Variants in MANEA observed in about 807,000 individuals in gnomAD.
The protein encoded by MANEA is glycoprotein endo-alpha-1,2-mannosidase.
In MANEA, 25 loss-of-function variants were observed where a neutral mutation model predicts 36.8. The observed-to-expected ratio is 0.68, with a 90% CI of 0.50 to 0.95. The LOEUF (loss-of-function observed/expected upper bound fraction) is 0.95, where lower values mean the gene tolerates loss of function less well. MANEA is among the 40% of genes least tolerant of loss of function. The pLI is 0.00. For synonymous variants in MANEA, 198 were observed against 188.5 expected (o/e 1.05, Z -0.41); for missense variants, 565 against 558.8 (o/e 1.01, Z -0.11).
intron 1 of MANEA, among the ~76,000 whole-genome samples, chr6:95,585,999 C>T (rs1562195925): frequency 2.0e-5 from 3 of 152,008 alleles, no homozygotes; most frequent in African/African-American, 7.3e-5. Flanking sequence ...CTTGTCTCTA[C>T]AATAAATAAA....
At position 95,599,435 on chromosome 6, in the gene MANEA, G is replaced by A. The variant is rs114377824; in HGVS notation, c.654+2589G>A. 5.2e-3 allele frequency among the ~76,000 whole-genome samples: 772 copies of A among 149,794 alleles called. 11 individuals are homozygous for A. The highest frequency in any genetic ancestry group is 0.017 in the African/African-American group (701 of 40,744). ...CTATCTCAAAAAAAAAAAAAAAAGTGATGTAGGTTCTTTTAACTAGAGACC... is the reference window on the plus strand; with the variant it reads ...CTATCTCAAAAAAAAAAAAAAAAGTAATGTAGGTTCTTTTAACTAGAGACC... On this transcript the variant is annotated intron_variant, in intron 3 of 4. Coordinates refer to ENST00000358812, the MANE Select transcript of MANEA (RefSeq NM_024641.4).
Position 95,605,920 on chromosome 6 carries a change from C to T in MANEA, c.904C>T (p.Leu302Phe). Residue 302 changes from leucine (L) to phenylalanine (F), a missense_variant, in exon 5 of 5, where the codon CTT (leucine) becomes TTT (phenylalanine). By Grantham distance (22) the Leu-to-Phe change is conservative. Coordinates refer to ENST00000358812, the MANE Select transcript of MANEA (RefSeq NM_024641.4). ...NSPYDGLFIA[L>F]LVEEKHKYDI... ...TCCTTATGATGGACTGTTTATTGCC[C>T]TTCTGGTAGAAGAAAAACATAAGTA... The T allele has an allele frequency of 6.2e-7, 1 of 1,613,894 alleles. No homozygotes were observed. Among genetic ancestry groups the T allele is most frequent in the Non-Finnish European group, 8.5e-7 (1 of 1,179,944 alleles).
intron 1 of MANEA, among the ~76,000 whole-genome samples, chr6:95,584,585 C>T (rs1032723309): frequency 5.3e-5 from 8 of 152,066 alleles, no homozygotes; most frequent in African/African-American, 1.9e-4. Flanking sequence ...GAACATAGAC[C>T]CTTACCAGTA....
rs759415173 is a variant in MANEA at position 95,607,212 on chromosome 6, G to T, written c.*807G>T. 9.2e-5 allele frequency: 14 copies of T among 152,070 alleles called. No individual in the cohort carries two copies. The highest frequency in any genetic ancestry group is 2.1e-4 in the Non-Finnish European group (14 of 68,004). The allele number at this position is 152,070 out of a possible 1,614,324, so 9.4% of individuals were successfully genotyped here. ...TCCTTTTATGAAAAAGTTACTGATT[G>T]CTTCTCAGTTATTAGGAAAACAGTT... On this transcript the variant is annotated 3_prime_UTR_variant, in exon 5 of 5. Transcript: ENST00000358812.
At position 95,605,972 on chromosome 6, in the gene MANEA, G is replaced by T. The variant is rs779937977; in HGVS notation, c.956G>T (p.Gly319Val). Residue 319 changes from glycine (G) to valine (V), a missense_variant, in exon 5 of 5, where the codon GGA (glycine) becomes GTA (valine). Physicochemically the swap from Gly to Val is moderately radical, Grantham distance 109 (BLOSUM62 -3). Coordinates refer to ENST00000358812, the MANE Select transcript of MANEA (RefSeq NM_024641.4). ...KYDILQSGFDGIYTYFATNGF... is the reference protein window; with the variant it reads ...KYDILQSGFDVIYTYFATNGF... ...GATATTCTTCAAAGTGGTTTTGATG[G>T]AATTTACACATATTTTGCCACAAAT... 1 of 1,613,852 alleles carries T rather than the reference G, an allele frequency of 6.2e-7. No homozygotes were observed. Among genetic ancestry groups the T allele is most frequent in the Non-Finnish European group, 8.5e-7 (1 of 1,179,916 alleles).
chr6:95,580,321 G>C (rs1323397581), intron 1 of MANEA, among the ~76,000 whole-genome samples: 1 of 152,050 alleles, frequency 6.6e-6, no homozygotes, highest in African/African-American at 2.4e-5. Flanking sequence ...CTATGTGAAA[G>C]ATATGTTATG....
chr6:95,595,537 A>G (rs968768139), intron 2 of MANEA, among the ~76,000 whole-genome samples: 2 of 152,184 alleles, frequency 1.3e-5, no homozygotes, highest in African/African-American at 4.8e-5. Context: ...CGGCTAGCAC[A>G]AAACTTAGGT....
Position 95,607,229 on chromosome 6 carries a change from A to G in MANEA, c.*824A>G, listed in dbSNP as rs1319495803. On this transcript the variant is annotated 3_prime_UTR_variant, in exon 5 of 5. Coordinates refer to ENST00000358812, the MANE Select transcript of MANEA (RefSeq NM_024641.4). The stretch of plus-strand genomic sequence containing the variant: ...TACTGATTGCTTCTCAGTTATTAGG[A>G]AAACAGTTGTTTCACAATTATTATG... 2.0e-5 allele frequency: 3 copies of G among 152,122 alleles called. No individual in the cohort carries two copies. The highest frequency in any genetic ancestry group is 4.4e-5 in the Non-Finnish European group (3 of 67,990). The allele number at this position is 152,122 out of a possible 1,614,324, so 9.4% of individuals were successfully genotyped here.
Position 95,596,728 on chromosome 6 carries a change from T to G in MANEA, c.545-9T>G. On this transcript the variant is annotated splice_polypyrimidine_tract_variant and intron_variant, in intron 2 of 4. Coordinates refer to ENST00000358812, the MANE Select transcript of MANEA (RefSeq NM_024641.4). ...GTCTTTTCCCTTTCTTTTTGGTCTT[T>G]TCTATTAGGTGTACTAGCCCTCTCT... 1 of 1,475,628 alleles carries G rather than the reference T, an allele frequency of 6.8e-7. No individual in the cohort carries two copies. The highest frequency in any genetic ancestry group is 9.5e-7 in the Non-Finnish European group (1 of 1,056,848). The allele number at this position is 1,475,628 out of a possible 1,614,324, so 91.4% of individuals were successfully genotyped here.
At chr6:95,592,244 A>G (rs1769397851) in intron 2 of MANEA, among the ~76,000 whole-genome samples, 1 of 152,158 alleles carries the variant, frequency 6.6e-6, no homozygotes, top group Non-Finnish European at 1.5e-5. Flanking sequence ...GTAGTCTTTC[A>G]TTCCTGGCAT....
In MANEA at chr6:95,605,859, G is replaced by T. The variant is rs1769698417; in HGVS notation, c.843G>T (p.Leu281=). The T allele has an allele frequency of 5.0e-6, 8 of 1,613,884 alleles. No homozygotes were observed. Among genetic ancestry groups the T allele is most frequent in the Non-Finnish European group, 6.8e-6 (8 of 1,179,912 alleles). ...YITKPEKWAN[L]LTTSGSRSIR... ...CCAAGCCTGAAAAATGGGCCAATCT[G>T]TTAACCACCTCAGGGTCTCGGAGTA... Residue 281 remains leucine, a synonymous_variant, in exon 5 of 5, where the codon CTG becomes CTT. Transcript: ENST00000358812.
At chr6:95,599,908 C>T (rs567597436) in intron 3 of MANEA, among the ~76,000 whole-genome samples, 1 of 152,270 alleles carries the variant, frequency 6.6e-6, no homozygotes, top group African/African-American at 2.4e-5. Flanking sequence ...AATAGGCAAG[C>T]CTCCAGGTTC....
chr6:95,578,301 A>G (rs942937770), intron 1 of MANEA, among the ~76,000 whole-genome samples: 2 of 152,192 alleles, frequency 1.3e-5, no homozygotes, highest in African/African-American at 4.8e-5. Flanking sequence ...AGCAACTTGA[A>G]GTACAGGCAG....
intron 3 of MANEA, among the ~76,000 whole-genome samples, chr6:95,601,716 A>ATTTTTTTTTTTTTTGT: frequency 1.5e-5 from 1 of 64,968 alleles, no homozygotes; most frequent in Non-Finnish European, 2.7e-5. Flanking sequence ...AGATTCAGTG[A>ATTTTTTTTTTTTTTGT]TTTTTTTTTT....
At chr6:95,587,878 C>A (rs1247292291) in intron 2 of MANEA, among the ~76,000 whole-genome samples, 2 of 150,204 alleles carry the variant, frequency 1.3e-5, no homozygotes, top group African/African-American at 4.9e-5. Context: ...CCTTCTTTTT[C>A]TTCCTTCTCT....
chr6:95,600,216 A>G (rs553971750), intron 3 of MANEA, among the ~76,000 whole-genome samples: 1 of 152,192 alleles, frequency 6.6e-6, no homozygotes, highest in East Asian at 1.9e-4. Context: ...TGTGCTAGGG[A>G]TTTTATATCT....
chr6:95,599,854 C>A (rs752155508), intron 3 of MANEA, among the ~76,000 whole-genome samples: 1 of 152,152 alleles, frequency 6.6e-6, no homozygotes, highest in Non-Finnish European at 1.5e-5. Flanking sequence ...TGCCATGTCC[C>A]TTGGTGCCTT....
intron 1 of MANEA, among the ~76,000 whole-genome samples, chr6:95,578,924 T>C (rs1297006135): frequency 1.3e-5 from 2 of 152,200 alleles, no homozygotes; most frequent in African/African-American, 2.4e-5. Context: ...GAAGGCAGAA[T>C]AGCATGGACA....
In MANEA at chr6:95,586,555, C is replaced by A; in HGVS notation, c.116C>A (p.Pro39His). ...LRPNTATFGAPFGLDLLPELH... is the reference protein window; with the variant it reads ...LRPNTATFGAHFGLDLLPELH... ...CCAAATACAGCTACTTTTGGAGCTC[C>A]TTTTGGACTTGACCTTCTTCCAGAA... is the stretch of plus-strand genomic sequence containing the variant. The change falls in exon 2 of 5, where the codon CCT becomes CAT. Residue 39 changes from proline (P) to histidine (H), a missense_variant. Pro to His is a moderately conservative substitution (Grantham distance 77). Coordinates refer to ENST00000358812, the MANE Select transcript of MANEA (RefSeq NM_024641.4). The A allele has an allele frequency of 6.2e-7, 1 of 1,614,002 alleles. No individual in the cohort carries two copies. The highest frequency in any genetic ancestry group is 2.2e-5 in the East Asian group (1 of 44,844).
Sources: gnomAD v4.1 joint callset for allele counts (sites outside exome capture counted in the v4.1 genomes callset) on GRCh38, gnomAD v4.1.1 for gene constraint, MANE v1.5 for transcripts, NCBI Gene and HGNC (gene_info 2026-07-23, HGNC 2026-07-21) for gene names.